The following SH3D19 variants were observed in gnomAD, a reference collection of about 807,000 sequenced individuals.
SH3D19 encodes the protein SH3 domain-containing protein 19.
SH3D19 carries 58 observed loss-of-function variants against 112.1 expected under a neutral mutation model. That is an observed-to-expected ratio of 0.52 (90% CI 0.42 to 0.64). SH3D19 has a LOEUF of 0.64. SH3D19 is among the 30% of genes least tolerant of loss of function. The pLI is 0.00. For synonymous variants in SH3D19, 391 were observed against 448.5 expected (o/e 0.87, Z 1.62); for missense variants, 1,090 against 1,263.4 (o/e 0.86, Z 2.08).
chr4:151,289,433 A>C, intron 1 of SH3D19, among the ~76,000 whole-genome samples: 1 of 152,232 alleles, frequency 6.6e-6, no homozygotes, highest in African/African-American at 2.4e-5. Context: ...CAACAAAGTA[A>C]AAAGGTAGCC....
At chr4:151,229,842 G>C (rs1020580098) in intron 1 of SH3D19, among the ~76,000 whole-genome samples, 16 of 152,318 alleles carry the variant, frequency 1.1e-4, no homozygotes, top group African/African-American at 3.8e-4. Context: ...TTGAGCTCGG[G>C]AGATGAAGGG....
rs183645038 is a variant in SH3D19, at chr4:151,176,527, G to T, written c.529+7C>A. On this transcript the variant is annotated splice_region_variant and intron_variant, in intron 6 of 19. Coordinates refer to ENST00000604030, the MANE Select transcript of SH3D19 (RefSeq NM_001378122.1). ...CAGAATTAGGGAAGACAAATTACTTGCATTACTTTGAGGCAGATCGTTGTC... is the reference window on the plus strand; with the variant it reads ...CAGAATTAGGGAAGACAAATTACTTTCATTACTTTGAGGCAGATCGTTGTC... 1.5e-5 allele frequency: 18 copies of T among 1,232,050 alleles called. No individual in the cohort carries two copies. The East Asian group carries it at 5.7e-4, about 39-fold the overall frequency. 76.3% of individuals were successfully genotyped at this position (1,232,050 alleles called of 1,614,324 possible).
intron 1 of SH3D19, among the ~76,000 whole-genome samples, chr4:151,234,432 A>T (rs538586626): frequency 6.6e-6 from 1 of 152,244 alleles, no homozygotes; most frequent in South Asian, 2.1e-4. Flanking sequence ...TGAACATTTA[A>T]TCAGTGTCAC....
chr4:151,192,105 T>G (rs1052411010), intron 2 of SH3D19, among the ~76,000 whole-genome samples: 1 of 143,870 alleles, frequency 7.0e-6, no homozygotes, highest in Non-Finnish European at 1.5e-5. Flanking sequence ...ACCAGCTAAT[T>G]TTTTTGTATT....
At chr4:151,240,903 T>C (rs1770498841) in intron 1 of SH3D19, among the ~76,000 whole-genome samples, 1 of 151,786 alleles carries the variant, frequency 6.6e-6, no homozygotes, top group Non-Finnish European at 1.5e-5. Context: ...CATCAACCGG[T>C]GATGGATAAA....
intron 1 of SH3D19, among the ~76,000 whole-genome samples, chr4:151,275,322 C>T (rs556919440): frequency 7.9e-5 from 12 of 152,212 alleles, no homozygotes; most frequent in African/African-American, 2.9e-4. Context: ...CTCCTGACCT[C>T]GTGACCCACC....
intron 2 of SH3D19, among the ~76,000 whole-genome samples, chr4:151,224,302 C>A (rs756179450): frequency 2.6e-5 from 4 of 151,816 alleles, no homozygotes; most frequent in Non-Finnish European, 5.9e-5. Context: ...GGGCGAGACT[C>A]CATCTCAAAG....
intron 8 of SH3D19, among the ~76,000 whole-genome samples, chr4:151,159,741 A>T (rs547973260): frequency 5.3e-5 from 8 of 152,352 alleles, no homozygotes; most frequent in African/African-American, 1.7e-4. Context: ...TTAATTAATT[A>T]AAATTAAATT....
intron 1 of SH3D19, among the ~76,000 whole-genome samples, chr4:151,296,249 C>T (rs1775709542): frequency 6.6e-6 from 1 of 152,098 alleles, no homozygotes. Context: ...ATTTAGGGCT[C>T]TTCACAGATC....
At chr4:151,287,341 CAAAA>C (rs34944826) in intron 1 of SH3D19, among the ~76,000 whole-genome samples, 1 of 82,366 alleles carries the variant, frequency 1.2e-5, no homozygotes, top group Non-Finnish European at 2.5e-5. Context: ...ACTCTGTCTC[CAAAA>C]AAAAAAAAAA....
Position 151,121,590 on chromosome 4 carries a change from G to A in SH3D19, c.*501C>T, listed in dbSNP as rs922647202. The A allele has an allele frequency of 2.6e-5, 4 of 152,236 alleles. No homozygotes were observed. The highest frequency in any genetic ancestry group is 4.4e-5 in the Non-Finnish European group (3 of 68,084). 9.4% of individuals were successfully genotyped at this position (152,236 alleles called of 1,614,324 possible). A position where few individuals can be genotyped will look rare whatever the true frequency, so the allele number is the denominator to read the frequency against. The stretch of plus-strand genomic sequence containing the variant: ...AGTAAACTATCCCATCTGAAGGAAG[G>A]ATTTGCTCTGGTAATAAGGCTGATA... On this transcript the variant is annotated 3_prime_UTR_variant, in exon 20 of 20. Coordinates refer to ENST00000604030, the MANE Select transcript of SH3D19 (RefSeq NM_001378122.1).
At chr4:151,131,653 A>AT (rs1012013770) in intron 17 of SH3D19, among the ~76,000 whole-genome samples, 17 of 151,068 alleles carry the variant, frequency 1.1e-4, no homozygotes, top group South Asian at 6.3e-4. Flanking sequence ...CACCCGGCTG[A>AT]TTTTTTTTGT....
At chr4:151,231,881 T>C (rs1472669757) in intron 1 of SH3D19, among the ~76,000 whole-genome samples, 1 of 152,184 alleles carries the variant, frequency 6.6e-6, no homozygotes, top group Non-Finnish European at 1.5e-5. Flanking sequence ...GGAAGTTTCT[T>C]CAAACAAGAA....
At chr4:151,183,542 T>C (rs1428909628) in intron 3 of SH3D19, among the ~76,000 whole-genome samples, 2 of 152,172 alleles carry the variant, frequency 1.3e-5, no homozygotes, top group Non-Finnish European at 2.9e-5. Flanking sequence ...TAGGAGCAGT[T>C]TGTTTCTTGA....
At chr4:151,130,825 A>T (rs1750513929) in intron 17 of SH3D19, among the ~76,000 whole-genome samples, 1 of 151,960 alleles carries the variant, frequency 6.6e-6, no homozygotes, top group Non-Finnish European at 1.5e-5. Context: ...CTGTAAACCC[A>T]GCTTACTCAG....
At chr4:151,225,990 C>A (rs998544353) in intron 2 of SH3D19, 57 bp downstream of exon 2, 1 of 1,158,460 alleles carries the variant, frequency 8.6e-7, no homozygotes, top group Non-Finnish European at 1.1e-6. Context: ...TGCTTCCAAA[C>A]AATACTTTTC....
chr4:151,160,087 C>CTT lies in SH3D19; in HGVS notation c.1643-737_1643-736dup, dbSNP rs1203320024. 2.5e-3 allele frequency among the ~76,000 whole-genome samples: 344 copies of CTT among 137,542 alleles called. 2 individuals carry two copies. The highest frequency in any genetic ancestry group is 8.6e-3 in the African/African-American group (321 of 37,326). 90.2% of individuals were successfully genotyped at this position (137,542 alleles called of 152,430 possible). A position where few individuals can be genotyped will look rare whatever the true frequency, so the allele number is the denominator to read the frequency against. On this transcript the variant is annotated intron_variant, in intron 8 of 19. Transcript: ENST00000604030. The stretch of plus-strand genomic sequence containing the variant: ...AAAAATAATTCAATGTGTTTTATTT[C>CTT]TTTTTTTTTTTTTTTTTGAGATGGA...
Position 151,174,727 on chromosome 4 carries a change from A to G in SH3D19, c.1477T>C (p.Leu493=), listed in dbSNP as rs770598957. 3.0e-5 allele frequency: 45 copies of G among 1,516,518 alleles called. No individual in the cohort carries two copies. Among genetic ancestry groups the G allele is most frequent in the Non-Finnish European group, 3.1e-5 (35 of 1,134,390 alleles). The allele number at this position is 1,516,518 out of a possible 1,614,324, so 93.9% of individuals were successfully genotyped here. Residue 493 remains leucine, a synonymous_variant, in exon 7 of 20, where the codon TTG becomes CTG. Coordinates refer to ENST00000604030, the MANE Select transcript of SH3D19 (RefSeq NM_001378122.1). ...GCCAGGTTCCCCGATGGGGTGGGCA[A>G]AACATCATCATCAAAGCTGATGAGA... ...IDLISFDDDV[L]PTPSGNLAEE... is the part of the protein sequence containing the mutation.
intron 1 of SH3D19, among the ~76,000 whole-genome samples, chr4:151,257,554 TTTC>T (rs755750769): frequency 2.0e-5 from 3 of 152,094 alleles, no homozygotes; most frequent in Non-Finnish European, 2.9e-5. Context: ...TCAACAACTA[TTTC>T]TTCTTCTTCT....
Sources: gnomAD v4.1 joint callset for allele counts (sites outside exome capture counted in the v4.1 genomes callset) on GRCh38, gnomAD v4.1.1 for gene constraint, MANE v1.5 for transcripts, NCBI Gene and HGNC (gene_info 2026-07-23, HGNC 2026-07-21) for gene names.